PSD3: variants seen among roughly 807,000 people sequenced by gnomAD.
The protein encoded by PSD3 is pleckstrin and Sec7 domain containing 3, also known as PH and SEC7 domain-containing protein 3.
PSD3 carries 49 observed loss-of-function variants against 105.5 expected under a neutral mutation model. The observed-to-expected ratio is 0.46, with a 90% confidence interval of 0.37 to 0.59. PSD3 has a LOEUF of 0.59. PSD3 is among the 20% of genes least tolerant of loss of function. The pLI, the probability that PSD3 is intolerant of heterozygous loss-of-function variation, is 0.00. For synonymous variants in PSD3, 557 were observed against 457.8 expected (o/e 1.22, Z -2.77); for missense variants, 1,561 against 1,263.8 (o/e 1.24, Z -3.57).
chr8:19,049,492 C>T (rs1828440937), intron 1 of PSD3, among the ~76,000 whole-genome samples: 2 of 152,022 alleles, frequency 1.3e-5, no homozygotes, highest in African/African-American at 4.8e-5. Context: ...AAGTTCAGGA[C>T]CAGCCCAGAC....
At chr8:18,737,663 T>C (rs1400160703) in intron 9 of PSD3, among the ~76,000 whole-genome samples, 1 of 152,196 alleles carries the variant, frequency 6.6e-6, no homozygotes, top group Non-Finnish European at 1.5e-5. Context: ...CATAAGGCTA[T>C]AAATAAGTCT....
intron 1 of PSD3, among the ~76,000 whole-genome samples, chr8:18,950,616 G>C (rs889083536): frequency 6.6e-6 from 1 of 152,116 alleles, no homozygotes; most frequent in Non-Finnish European, 1.5e-5. Flanking sequence ...ACATACAAGT[G>C]AGAACATGCA....
rs71510619 is a variant in PSD3, at chr8:18,718,342, T to C, written c.2172+47107A>G. On this transcript the variant is annotated intron_variant, in intron 9 of 15. Transcript: ENST00000327040. Reference sequence around the variant, plus strand: ...CTCAAATTAACTTTACTTTTCCCCATAGGGAATTATAAAAGAAGATTTGTA... The same window carrying C: ...CTCAAATTAACTTTACTTTTCCCCACAGGGAATTATAAAAGAAGATTTGTA... 5.6e-3 allele frequency among the ~76,000 whole-genome samples: 854 copies of C among 152,328 alleles called. 1 individual carries two copies. The highest frequency in any genetic ancestry group is 0.011 in the Admixed American group (161 of 15,298).
chr8:18,548,382 T>A (rs2130056573), intron 15 of PSD3, among the ~76,000 whole-genome samples: 1 of 152,342 alleles, frequency 6.6e-6, no homozygotes, highest in South Asian at 2.1e-4. Flanking sequence ...TACAGGATTG[T>A]GTTACTTAAC....
rs186318299 is a variant in PSD3 at position 18,694,471 on chromosome 8, G to A, written c.2173-38786C>T. Among the ~76,000 whole-genome samples the A allele has an allele frequency of 2.6e-4, 40 of 152,240 alleles. 1 individual carries two copies. Among genetic ancestry groups the A allele is most frequent in the East Asian group, 3.9e-4 (2 of 5,166 alleles). On this transcript the variant is annotated intron_variant, in intron 9 of 15. Coordinates refer to ENST00000327040, the MANE Select transcript of PSD3 (RefSeq NM_015310.4). ...TAAAAATACAAAAAATTAGCCGGGC[G>A]TGGTGCTGGGCACCTGTAGTCCCAG...
chr8:18,536,754 CT>C lies in PSD3; in HGVS notation c.2929-797del, dbSNP rs890677422. ...TTTTTCTTTTTCCATGGCTCTGGCA[CT>C]TTTTTTTTCTTCCAGTTTCTATCCC... On this transcript the variant is annotated intron_variant, in intron 15 of 15. Transcript: ENST00000327040. 2.5e-3 allele frequency among the ~76,000 whole-genome samples: 379 copies of C among 151,294 alleles called. 5 individuals are homozygous for C. Among genetic ancestry groups the C allele is most frequent in the East Asian group, 4.7e-3 (24 of 5,160 alleles).
intron 12 of PSD3, among the ~76,000 whole-genome samples, chr8:18,590,097 T>C (rs1803483586): frequency 6.6e-6 from 1 of 152,162 alleles, no homozygotes; most frequent in South Asian, 2.1e-4. Context: ...AGTTGAAATA[T>C]AAAGTCCTTT....
intron 9 of PSD3, among the ~76,000 whole-genome samples, chr8:18,661,120 GCA>G (rs1187130693): frequency 6.6e-6 from 1 of 151,910 alleles, no homozygotes; most frequent in Non-Finnish European, 1.5e-5. Flanking sequence ...AACATATTTT[GCA>G]CAGTTGATGG....
intron 11 of PSD3, among the ~76,000 whole-genome samples, chr8:18,620,342 GT>G (rs57785765): frequency 0.019 from 2,340 of 121,700 alleles, 34 homozygotes; most frequent in African/African-American, 0.043. Flanking sequence ...TTGGGTTTGT[GT>G]TTTTTTTTTT....
At chr8:18,846,741 G>T (rs1034598489) in intron 4 of PSD3, among the ~76,000 whole-genome samples, 2 of 152,112 alleles carry the variant, frequency 1.3e-5, no homozygotes, top group African/African-American at 4.8e-5. Context: ...AAAACCGACT[G>T]GTCTCAACTC....
rs7834680 is a variant in PSD3, at chr8:18,572,892, A to G, written c.2640-220T>C. On this transcript the variant is annotated intron_variant, in intron 13 of 15. Coordinates refer to ENST00000327040, the MANE Select transcript of PSD3 (RefSeq NM_015310.4). ...AGTGCCAGACTGTGATTCTCTCCCT[A>G]GGAAACAGAAGGGAAAAAAGAGAAA... Among the ~76,000 whole-genome samples the G allele has an allele frequency of 8.7e-3, 1,328 of 152,324 alleles. 10 individuals carry two copies. The highest frequency in any genetic ancestry group is 0.03 in the African/African-American group (1,236 of 41,570).
At chr8:18,565,661 A>C (rs1035717237) in intron 14 of PSD3, among the ~76,000 whole-genome samples, 1 of 152,114 alleles carries the variant, frequency 6.6e-6, no homozygotes, top group Admixed American at 6.5e-5. Flanking sequence ...ACATTTTTAT[A>C]CCTGTATTTT....
chr8:18,909,673 G>T (rs1820076642), intron 2 of PSD3, among the ~76,000 whole-genome samples: 1 of 151,888 alleles, frequency 6.6e-6, no homozygotes, highest in African/African-American at 2.4e-5. Context: ...TAGTAGAGAT[G>T]GAGTTTCACC....
chr8:19,071,710 ACTTCTT>A (rs10665798), intron 1 of PSD3, among the ~76,000 whole-genome samples: 1 of 151,076 alleles, frequency 6.6e-6, no homozygotes, highest in African/African-American at 2.4e-5. Context: ...TCTGCCTCCG[ACTTCTT>A]CTTCTTCTTC....
At chr8:18,652,749 C>G (rs1015514965) in intron 10 of PSD3, among the ~76,000 whole-genome samples, 3 of 152,076 alleles carry the variant, frequency 2.0e-5, no homozygotes, top group African/African-American at 7.2e-5. Flanking sequence ...CCAGGCTCCT[C>G]AGCCTCCCAA....
intron 9 of PSD3, among the ~76,000 whole-genome samples, chr8:18,759,888 C>A (rs1806366845): frequency 6.6e-6 from 1 of 151,352 alleles, no homozygotes; most frequent in Non-Finnish European, 1.5e-5. Flanking sequence ...TGGTGACCAT[C>A]ACTGAAAGGC....
chr8:18,766,459 CTTA>C (rs948072110), intron 8 of PSD3, among the ~76,000 whole-genome samples: 5 of 152,242 alleles, frequency 3.3e-5, no homozygotes, highest in Middle Eastern at 6.8e-3. Flanking sequence ...ATACCAAAAA[CTTA>C]TTATAATGTA....
At chr8:18,685,423 T>TG (rs201373173) in intron 9 of PSD3, among the ~76,000 whole-genome samples, 2,695 of 152,242 alleles carry the variant, frequency 0.018, 87 homozygotes, top group East Asian at 0.069. Context: ...ACATTTTTTT[T>TG]TTTTAACTTT....
rs537255527 is a variant in PSD3, at chr8:18,532,704, G to C, written c.*3039C>G. The C allele has an allele frequency of 2.2e-4, 34 of 152,298 alleles. No homozygotes were observed. Among genetic ancestry groups the C allele is most frequent in the African/African-American group, 8.2e-4 (34 of 41,562 alleles). The allele number at this position is 152,298 out of a possible 1,614,324, so 9.4% of individuals were successfully genotyped here. A position where few individuals can be genotyped will look rare whatever the true frequency, so the allele number is the denominator to read the frequency against. ...GCCTACGGGCTGGCGATAAAGTAAG[G>C]ACTCTGCATCCCAGTAATTAAGTTT... is the stretch of plus-strand genomic sequence containing the variant. On this transcript the variant is annotated 3_prime_UTR_variant, in exon 16 of 16. Transcript: ENST00000327040.
Sources: gnomAD v4.1 joint callset for allele counts (sites outside exome capture counted in the v4.1 genomes callset) on GRCh38, gnomAD v4.1.1 for gene constraint, MANE v1.5 for transcripts, NCBI Gene and HGNC (gene_info 2026-07-23, HGNC 2026-07-21) for gene names.